The following ERN1 variants were observed in gnomAD, a reference collection of about 807,000 sequenced individuals.
ERN1 encodes the protein endoplasmic reticulum to nucleus signaling 1.
In ERN1, 39 loss-of-function variants were observed where a neutral mutation model predicts 113.1. The ratio of observed to expected loss-of-function variants is 0.34; its 90% CI spans 0.27 to 0.45. ERN1 has a LOEUF of 0.45. ERN1 is among the 20% of genes least tolerant of loss of function. ERN1 has a pLI of 1.00. For synonymous variants in ERN1, 507 were observed against 515.9 expected, an observed-to-expected ratio of 0.98 and a Z score of 0.23; for missense variants, 976 against 1,274.8, an observed-to-expected ratio of 0.77 and a Z score of 3.57.
At chr17:64,065,893 TC>T (rs879235409) in intron 8 of ERN1, among the ~76,000 whole-genome samples, 67 of 152,290 alleles carry the variant, frequency 4.4e-4, no homozygotes, top group Admixed American at 4.1e-3. Flanking sequence ...GAGCTACACC[TC>T]CTGGCCCTTC....
chr17:64,112,971 C>G (rs977475207), intron 1 of ERN1, among the ~76,000 whole-genome samples: 2 of 152,166 alleles, frequency 1.3e-5, no homozygotes, highest in African/African-American at 4.8e-5. Context: ...CTTAATCTAG[C>G]TGAAAGAAAC....
In ERN1 at chr17:64,045,489, G is replaced by C. The variant is rs1275681196; in HGVS notation, c.2530-7C>G. 2 of 1,613,898 alleles carry C rather than the reference G, an allele frequency of 1.2e-6. No homozygotes were observed. The highest frequency in any genetic ancestry group is 2.7e-5 in the African/African-American group (2 of 75,046). On this transcript the variant is annotated splice_region_variant and splice_polypyrimidine_tract_variant and intron_variant, in intron 19 of 21. Coordinates refer to ENST00000433197, the MANE Select transcript of ERN1 (RefSeq NM_001433.5). ...CTATTCTGTCGCTCACGTCCTGTGA[G>C]AGAAACAAGGGCAGCAGATGATGGT...
At chr17:64,124,975 G>C (rs79532160) in intron 1 of ERN1, among the ~76,000 whole-genome samples, 4 of 152,102 alleles carry the variant, frequency 2.6e-5, no homozygotes, top group Admixed American at 6.5e-5. Context: ...AGGAGGTTTG[G>C]GGGGAAACGG....
chr17:64,113,980 T>A (rs1914740554), intron 1 of ERN1, among the ~76,000 whole-genome samples: 1 of 151,020 alleles, frequency 6.6e-6, no homozygotes, highest in African/African-American at 2.4e-5. Flanking sequence ...CCGTGCCCGG[T>A]GACCTTTACC....
At position 64,103,190 on chromosome 17, in the gene ERN1, G is replaced by A. The variant is rs78273454; in HGVS notation, c.55-4949C>T. ...CCAGCACTGGATCCTGATGTTCAAT[G>A]TTCTGATCATAAAGCAATGTTACGG... is the stretch of plus-strand genomic sequence containing the variant. On this transcript the variant is annotated intron_variant, in intron 1 of 21. Transcript: ENST00000433197. 8.2e-3 allele frequency among the ~76,000 whole-genome samples: 1,251 copies of A among 152,182 alleles called. 11 individuals are homozygous for A. Among genetic ancestry groups the A allele is most frequent in the Non-Finnish European group, 0.01 (687 of 68,004 alleles).
intron 17 of ERN1, among the ~76,000 whole-genome samples, chr17:64,052,179 T>C (rs898137577): frequency 7.2e-5 from 11 of 152,132 alleles, no homozygotes; most frequent in East Asian, 1.9e-4. Context: ...AATAGCGAGA[T>C]CGCACTTCTA....
chr17:64,061,588 C>G (rs1913055928), intron 10 of ERN1, among the ~76,000 whole-genome samples: 1 of 152,186 alleles, frequency 6.6e-6, no homozygotes, highest in African/African-American at 2.4e-5. Context: ...AACATAATAT[C>G]ATTCTTTAAG....
rs1298749575 is a variant in ERN1, at chr17:64,071,942, A to G, written c.478+39T>C. 19 of 1,549,572 alleles carry G rather than the reference A, an allele frequency of 1.2e-5. No homozygotes were observed. In the East Asian group the frequency reaches 3.7e-4, roughly 30 times the overall value. On this transcript the variant is annotated intron_variant, in intron 6 of 21. Coordinates refer to ENST00000433197, the MANE Select transcript of ERN1 (RefSeq NM_001433.5). ...TGGGGAGCTTCTTCCGATCTTCTGG[A>G]AACAGGCAGGTTGTAGAAGACAAAG...
chr17:64,054,378 C>G lies in ERN1; in HGVS notation c.1825G>C (p.Ala609Pro). ...CGCAACAGCTGGACCTCACGGTCTG[C>G]GAAGCTAAAACACTCGGGGAGGATC... ...KRILPECFSFADREVQLLRES... is the reference protein window; with the variant it reads ...KRILPECFSFPDREVQLLRES... The change falls in exon 15 of 22, where the codon GCA (alanine) becomes CCA (proline). Residue 609 changes from alanine to proline, a missense_variant. Transcript: ENST00000433197. The surrounding 1 kb of genome is among the most constrained non-coding windows in gnomAD (Gnocchi z 4.9). 1 of 1,605,244 alleles carries G rather than the reference C, an allele frequency of 6.2e-7. No homozygotes were observed. The highest frequency in any genetic ancestry group is 8.5e-7 in the Non-Finnish European group (1 of 1,175,892).
chr17:64,110,485 G>A (rs1914643307), intron 1 of ERN1, among the ~76,000 whole-genome samples: 1 of 152,136 alleles, frequency 6.6e-6, no homozygotes, highest in Non-Finnish European at 1.5e-5. Context: ...AATGTCCTTT[G>A]ATGAAGACGA....
intron 1 of ERN1, among the ~76,000 whole-genome samples, chr17:64,099,193 T>C (rs1162295708): frequency 6.6e-6 from 1 of 152,068 alleles, no homozygotes; most frequent in Non-Finnish European, 1.5e-5. Context: ...AAATCTACAA[T>C]ATAGAAAAAT....
At chr17:64,072,870 G>A (rs758263026) in intron 5 of ERN1, among the ~76,000 whole-genome samples, 15 of 152,158 alleles carry the variant, frequency 9.9e-5, no homozygotes, top group Non-Finnish European at 1.5e-4. Context: ...ACTGTGATGC[G>A]TGTATTTCCA....
chr17:64,118,282 C>T (rs972824246), intron 1 of ERN1, among the ~76,000 whole-genome samples: 1 of 152,160 alleles, frequency 6.6e-6, no homozygotes, highest in Non-Finnish European at 1.5e-5. Flanking sequence ...ACAGAACCTC[C>T]GGACTCTCAC....
chr17:64,076,329 T>C (rs186143581), intron 4 of ERN1, among the ~76,000 whole-genome samples: 11 of 152,370 alleles, frequency 7.2e-5, no homozygotes, highest in Admixed American at 7.2e-4. Flanking sequence ...GAGCTTTGCA[T>C]ACTAAATAAC....
At chr17:64,074,018 T>C (rs1913512301) in intron 5 of ERN1, among the ~76,000 whole-genome samples, 1 of 152,204 alleles carries the variant, frequency 6.6e-6, no homozygotes, top group South Asian at 2.1e-4. Context: ...GTGTGCAACT[T>C]ACCCATGGAT....
chr17:64,085,607 C>A (rs959812802), intron 2 of ERN1, among the ~76,000 whole-genome samples: 2 of 152,176 alleles, frequency 1.3e-5, no homozygotes, highest in African/African-American at 4.8e-5. Context: ...TTTCCTACTT[C>A]CACTCTTGGC....
chr17:64,086,832 A>AGAT (rs752345029), intron 2 of ERN1, among the ~76,000 whole-genome samples: 5 of 151,104 alleles, frequency 3.3e-5, no homozygotes, highest in Non-Finnish European at 7.4e-5. Flanking sequence ...TTTGTAGTAG[A>AGAT]GATGGGGTTT....
At chr17:64,088,024 G>A (rs761986544) in intron 2 of ERN1, among the ~76,000 whole-genome samples, 3 of 152,214 alleles carry the variant, frequency 2.0e-5, no homozygotes, top group Non-Finnish European at 4.4e-5. Context: ...ACCAGACTTC[G>A]AGATTGACGG....
chr17:64,076,491 C>A (rs1221386784), intron 4 of ERN1, among the ~76,000 whole-genome samples: 1 of 152,220 alleles, frequency 6.6e-6, no homozygotes, highest in Non-Finnish European at 1.5e-5. Context: ...GTGGTCTCTG[C>A]TGAGCACTGC....
Sources: gnomAD v4.1 joint callset for allele counts (sites outside exome capture counted in the v4.1 genomes callset) on GRCh38, gnomAD v4.1.1 for gene constraint, Gnocchi (gnomAD v3.1) non-coding constraint, MANE v1.5 for transcripts, NCBI Gene and HGNC (gene_info 2026-07-23, HGNC 2026-07-21) for gene names.